Variants in CDH23 observed in about 807,000 individuals in gnomAD.
CDH23 encodes the protein cadherin-23.
In CDH23, 189 loss-of-function variants were observed where a neutral mutation model predicts 317.1. The observed-to-expected ratio is 0.60, with a 90% confidence interval of 0.53 to 0.67. The LOEUF (loss-of-function observed/expected upper bound fraction) is 0.67, where lower values mean the gene tolerates loss of function less well. CDH23 is among the 30% of genes least tolerant of loss of function. The pLI, the probability that CDH23 is intolerant of heterozygous loss-of-function variation, is 0.00. For missense variants in CDH23, 4,401 were observed against 4,592.4 expected (o/e 0.96, Z 1.20); for synonymous variants, 1,839 against 1,876.8 (o/e 0.98, Z 0.52).
chr10:71,644,754 A>G (rs7921793), intron 12 of CDH23, among the ~76,000 whole-genome samples: 6,358 of 152,324 alleles, frequency 0.042, 445 homozygotes, highest in African/African-American at 0.15. Flanking sequence ...CCACTGGGCT[A>G]GGGGTGGGCT....
Position 71,397,728 on chromosome 10 carries a change from G to A in CDH23, c.-6+410G>A, listed in dbSNP as rs1401442152. On this transcript the variant is annotated intron_variant, in intron 1 of 69. Transcript: ENST00000224721. The surrounding 1 kb of genome is among the most constrained non-coding windows in gnomAD (Gnocchi z 4.8). ...GGGATCCAATCCCCTCCCCTTCTGA[G>A]CCCTGGGTCCCCATTTGGACAGTGG... is the stretch of plus-strand genomic sequence containing the variant. Among the ~76,000 whole-genome samples, 7 of 152,050 alleles carry A rather than the reference G, an allele frequency of 4.6e-5. No individual in the cohort carries two copies. In the East Asian group the frequency reaches 1.4e-3, roughly 30 times the overall value.
intron 3 of CDH23, among the ~76,000 whole-genome samples, chr10:71,502,048 G>C (rs747062625): frequency 6.6e-6 from 1 of 152,192 alleles, no homozygotes; most frequent in Non-Finnish European, 1.5e-5. Flanking sequence ...GCCCTCTCCC[G>C]GCCAGGACCC....
At chr10:71,613,300 C>T (rs2132509564) in intron 9 of CDH23, among the ~76,000 whole-genome samples, 1 of 152,356 alleles carries the variant, frequency 6.6e-6, no homozygotes, top group South Asian at 2.1e-4. Flanking sequence ...GTCCCCCCAA[C>T]TCCCCACTAT....
intron 17 of CDH23, among the ~76,000 whole-genome samples, chr10:71,680,506 G>A (rs1457855931): frequency 2.0e-5 from 3 of 152,134 alleles, no homozygotes; most frequent in Non-Finnish European, 4.4e-5. Context: ...CCAGCACTTT[G>A]GGAGGCCGAG....
At position 71,716,707 on chromosome 10, in the gene CDH23, G is replaced by A. The variant is rs1289126648; in HGVS notation, c.3369+3894G>A. The stretch of plus-strand genomic sequence containing the variant: ...AACTCTGTCAATAACTTGCTCTGTG[G>A]CCAGGAACGAGTTATGGATGGTAAG... On this transcript the variant is annotated intron_variant, in intron 28 of 69. Coordinates refer to ENST00000224721, the MANE Select transcript of CDH23 (RefSeq NM_022124.6). 9 of 199,644 alleles carry A rather than the reference G, an allele frequency of 4.5e-5. No homozygotes were observed. The East Asian group carries it at 1.0e-3, about 23-fold the overall frequency. 12.4% of individuals were successfully genotyped at this position (199,644 alleles called of 1,614,324 possible).
chr10:71,498,862 T>C (rs1027676851), intron 3 of CDH23, among the ~76,000 whole-genome samples: 2 of 152,320 alleles, frequency 1.3e-5, no homozygotes, highest in South Asian at 4.2e-4. Flanking sequence ...AGTATTGGTA[T>C]TCAATGTCTG....
At position 71,784,388 on chromosome 10, in the gene CDH23, C is replaced by G; in HGVS notation, c.5470C>G (p.Arg1824Gly). The part of the protein sequence containing the change: ...IAFYNLTICA[R>G]DRGMPPLSST... ...CTTCTACAACCTGACCATCTGTGCC[C>G]GTGACCGGGGGATGCCCCCACTCAG... The change falls in exon 42 of 70, where the codon CGT becomes GGT. Residue 1824 changes from arginine to glycine, a missense_variant. By Grantham distance (125) the Arg-to-Gly change is moderately radical (BLOSUM62 -2). Transcript: ENST00000224721. The G allele has an allele frequency of 6.2e-7, 1 of 1,613,856 alleles. No homozygotes were observed. Among genetic ancestry groups the G allele is most frequent in the Non-Finnish European group, 8.5e-7 (1 of 1,179,786 alleles).
rs766588848 is a variant in CDH23, at chr10:71,751,702, A to G, written c.4845+9781A>G. 2 of 1,555,956 alleles carry G rather than the reference A, an allele frequency of 1.3e-6. No homozygotes were observed. Among genetic ancestry groups the G allele is most frequent in the Admixed American group, 4.1e-5 (2 of 48,856 alleles). ...GGAAGAAGACGTCTCCGGGGCCTGG[A>G]GGAGACAGGGGGGTGCTGGGCTCCG... On this transcript the variant is annotated intron_variant, in intron 38 of 69. Coordinates refer to ENST00000224721, the MANE Select transcript of CDH23 (RefSeq NM_022124.6). The surrounding 1 kb of genome is among the most constrained non-coding windows in gnomAD (Gnocchi z 4.9).
At chr10:71,733,025 A>T (rs1384167022) in intron 32 of CDH23, among the ~76,000 whole-genome samples, 1 of 152,194 alleles carries the variant, frequency 6.6e-6, no homozygotes. Context: ...CCTCCACTTC[A>T]GCTGCCAATC....
rs12770610 is a variant in CDH23, at chr10:71,446,530, C to T, written c.145+135C>T. The T allele has an allele frequency of 0.42, 345,738 of 817,232 alleles. 79,218 individuals are homozygous for T. Among genetic ancestry groups the T allele is most frequent in the East Asian group, 0.53 (20,091 of 37,998 alleles). The allele number at this position is 817,232 out of a possible 1,614,324, so 50.6% of individuals were successfully genotyped here. ...TCTTTTCCATTGTGTAGAAAGGCCC[C>T]TGCTAGGATGCCTCCAGGGACAGGG... On this transcript the variant is annotated intron_variant, in intron 3 of 69. Transcript: ENST00000224721.
Position 71,680,066 on chromosome 10 carries a change from C to T in CDH23, c.1858+574C>T, listed in dbSNP as rs570899377. On this transcript the variant is annotated intron_variant, in intron 17 of 69. Coordinates refer to ENST00000224721, the MANE Select transcript of CDH23 (RefSeq NM_022124.6). Reference sequence around the variant, plus strand: ...GCTGCTGAGCTTGGCACCAAGTCCCCGTGTGGTCTGGCCCTTGGTTGCCTT... The same window carrying T: ...GCTGCTGAGCTTGGCACCAAGTCCCTGTGTGGTCTGGCCCTTGGTTGCCTT... Among the ~76,000 whole-genome samples, 191 of 152,248 alleles carry T rather than the reference C, an allele frequency of 1.3e-3. 1 individual carries two copies. Among genetic ancestry groups the T allele is most frequent in the African/African-American group, 4.2e-3 (174 of 41,526 alleles).
At chr10:71,428,138 T>C (rs1042544166) in intron 1 of CDH23, among the ~76,000 whole-genome samples, 3 of 65,460 alleles carry the variant, frequency 4.6e-5, no homozygotes, top group Non-Finnish European at 9.7e-5. Context: ...TTTCTTTCTT[T>C]CTTTTTTTTT....
At chr10:71,773,500 G>A in intron 38 of CDH23, 1 of 1,504,096 alleles carries the variant, frequency 6.6e-7, no homozygotes, top group Non-Finnish European at 9.0e-7. Flanking sequence ...CGCGGCCGGC[G>A]CGGGGAAGCC....
At chr10:71,709,732 T>G (rs1208399954) in intron 27 of CDH23, among the ~76,000 whole-genome samples, 1 of 152,224 alleles carries the variant, frequency 6.6e-6, no homozygotes, top group Non-Finnish European at 1.5e-5. Flanking sequence ...CTTCAGTCTC[T>G]GCACTGGCTG....
At chr10:71,802,423 C>G (rs1403125816) in intron 53 of CDH23, among the ~76,000 whole-genome samples, 1 of 152,200 alleles carries the variant, frequency 6.6e-6, no homozygotes, top group African/African-American at 2.4e-5. Context: ...AAGACCTGCC[C>G]TGGGCTGGGG....
chr10:71,464,044 A>G (rs1030951542), intron 3 of CDH23, among the ~76,000 whole-genome samples: 1 of 152,194 alleles, frequency 6.6e-6, no homozygotes, highest in Non-Finnish European at 1.5e-5. Context: ...TTCCCATTTT[A>G]TAGATAGGAA....
chr10:71,765,205 T>G (rs1840505346), intron 38 of CDH23, among the ~76,000 whole-genome samples: 1 of 152,158 alleles, frequency 6.6e-6, no homozygotes, highest in South Asian at 2.1e-4. Flanking sequence ...TGCCCCTTTC[T>G]CCCTTTGCCT....
intron 6 of CDH23, among the ~76,000 whole-genome samples, chr10:71,556,937 C>G (rs1856903664): frequency 6.6e-6 from 1 of 152,200 alleles, no homozygotes; most frequent in Non-Finnish European, 1.5e-5. Flanking sequence ...TTGCTATACA[C>G]ACACACTGGA....
chr10:71,643,324 G>C (rs752180149), intron 11 of CDH23, among the ~76,000 whole-genome samples: 1 of 152,138 alleles, frequency 6.6e-6, no homozygotes, highest in Non-Finnish European at 1.5e-5. Flanking sequence ...AGGGAGAGGC[G>C]TGTGTTCCCC....
Sources: gnomAD v4.1 joint callset for allele counts (sites outside exome capture counted in the v4.1 genomes callset) on GRCh38, gnomAD v4.1.1 for gene constraint, Gnocchi (gnomAD v3.1) non-coding constraint, MANE v1.5 for transcripts, NCBI Gene and HGNC (gene_info 2026-07-23, HGNC 2026-07-21) for gene names.